XIRP2: variants seen among roughly 807,000 people sequenced by gnomAD.
The protein encoded by XIRP2 is xin actin-binding repeat-containing protein 2.
Under a neutral mutation model 277.0 loss-of-function variants are expected in XIRP2, and 236 were observed. The ratio of observed to expected loss-of-function variants is 0.85; its 90% CI spans 0.77 to 0.95. The LOEUF is 0.95. Ranked by LOEUF, XIRP2 falls within the 40% of genes least tolerant of loss-of-function variation. The probability of loss-of-function intolerance (pLI) is 0.00; values close to 1 mark genes in which losing one functional copy is unlikely to be tolerated. For missense variants in XIRP2, 4,640 were observed against 4,157.5 expected (o/e 1.12, Z -3.19); for synonymous variants, 1,490 against 1,416.5 (o/e 1.05, Z -1.17).
At chr2:167,164,816 T>TCC (rs34245806) in intron 3 of XIRP2, among the ~76,000 whole-genome samples, 51,014 of 151,882 alleles carry the variant, frequency 0.34, 11,036 homozygotes, top group African/African-American at 0.62. Flanking sequence ...ATTCATAGCT[T>TCC]CCGTTATCAA....
intron 2 of XIRP2, among the ~76,000 whole-genome samples, chr2:167,077,657 C>A (rs1373622177): frequency 6.6e-6 from 1 of 152,078 alleles, no homozygotes; most frequent in African/African-American, 2.4e-5. Context: ...GTATGGACAC[C>A]TGGGGAAAGT....
chr2:167,232,893 A>G (rs751644772), intron 5 of XIRP2, among the ~76,000 whole-genome samples: 10 of 151,940 alleles, frequency 6.6e-5, no homozygotes, highest in Non-Finnish European at 1.5e-4. Context: ...GCTGATAATC[A>G]TTAGGCACCC....
Position 167,001,902 on chromosome 2 carries a change from T to C in XIRP2, c.408+98012T>C, listed in dbSNP as rs987161773. The stretch of plus-strand genomic sequence containing the variant: ...ATGTTGTGTAGCACTTTGACATTTT[T>C]ATTTTCCTCATTTAGCTTTTTATTT... On this transcript the variant is annotated intron_variant, in intron 2 of 10. Transcript: ENST00000409195. Among the ~76,000 whole-genome samples the C allele has an allele frequency of 2.0e-5, 3 of 152,270 alleles. 1 individual carries two copies. In the South Asian group the frequency reaches 6.2e-4, roughly 32 times the overall value.
rs376915156 is a variant in XIRP2, at chr2:167,247,163, C to T, written c.5771C>T (p.Thr1924Ile). The change falls in exon 9 of 11, where the codon ACA becomes ATA. Residue 1924 changes from threonine (T) to isoleucine (I), a missense_variant. Transcript: ENST00000409195. ...GAGCTTCTCAAAGATGACCTGGAAA[C>T]ATCACTAAGGTCTTTGAAAGAAGCA... ...KKELLKDDLE[T>I]SLRSLKEAQR... is the part of the protein sequence containing the mutation. 6.2e-6 allele frequency: 10 copies of T among 1,613,454 alleles called. No homozygotes were observed. Among genetic ancestry groups the T allele is most frequent in the Non-Finnish European group, 8.5e-6 (10 of 1,179,780 alleles).
intron 2 of XIRP2, among the ~76,000 whole-genome samples, chr2:167,112,970 T>C (rs897125056): frequency 6.6e-6 from 1 of 152,106 alleles, no homozygotes. Flanking sequence ...TTTCTATTTT[T>C]AATGTGCTGT....
At chr2:167,099,051 C>T (rs1325994231) in intron 2 of XIRP2, among the ~76,000 whole-genome samples, 1 of 152,220 alleles carries the variant, frequency 6.6e-6, no homozygotes, top group Non-Finnish European at 1.5e-5. Flanking sequence ...AGATCTGCTG[C>T]TCTCTTCAGA....
intron 2 of XIRP2, among the ~76,000 whole-genome samples, chr2:167,072,092 A>T (rs181443631): frequency 5.1e-4 from 78 of 152,312 alleles, no homozygotes; most frequent in African/African-American, 1.8e-3. Context: ...TAAATATTTT[A>T]AAATATATAA....
chr2:167,073,021 A>G (rs1209534410), intron 2 of XIRP2, among the ~76,000 whole-genome samples: 1 of 152,202 alleles, frequency 6.6e-6, no homozygotes, highest in Non-Finnish European at 1.5e-5. Context: ...CAACCATGAT[A>G]GGTTTAGTGA....
intron 3 of XIRP2, chr2:167,140,990 G>C (rs1321553422): frequency 2.6e-5 from 4 of 152,136 alleles, no homozygotes; most frequent in Admixed American, 2.6e-4. Flanking sequence ...GTCTATTCAT[G>C]AGGTCGTTCA....
chr2:166,941,854 T>C (rs890073865), intron 2 of XIRP2, among the ~76,000 whole-genome samples: 2 of 152,190 alleles, frequency 1.3e-5, no homozygotes, highest in Non-Finnish European at 2.9e-5. Context: ...TTCTGACAAA[T>C]ATTTTTACAT....
At chr2:167,188,286 G>A (rs987937595) in intron 3 of XIRP2, among the ~76,000 whole-genome samples, 3 of 152,148 alleles carry the variant, frequency 2.0e-5, no homozygotes, top group African/African-American at 7.2e-5. Flanking sequence ...TAAATGTTTA[G>A]ATGTTAGAGA....
chr2:167,251,890 G>A lies in XIRP2; in HGVS notation c.10498G>A (p.Asp3500Asn). ...VFKGLGYATADASATEMRTTF... is the reference protein window; with the variant it reads ...VFKGLGYATANASATEMRTTF... ...TAAAGGCCTGGGATATGCAACCGCA[G>A]ATGCTTCTGCAACTGAGATGAGAAC... is the stretch of plus-strand genomic sequence containing the variant. Residue 3500 changes from aspartate (D) to asparagine (N), a missense_variant, in exon 9 of 11, where the codon GAT becomes AAT. Physicochemically the swap from Asp to Asn is conservative, Grantham distance 23. Coordinates refer to ENST00000409195, the MANE Select transcript of XIRP2 (RefSeq NM_152381.6). The A allele has an allele frequency of 6.3e-7, 1 of 1,599,598 alleles. No individual in the cohort carries two copies. Among genetic ancestry groups the A allele is most frequent in the Non-Finnish European group, 8.5e-7 (1 of 1,174,682 alleles).
chr2:167,250,880 C>A lies in XIRP2; in HGVS notation c.9488C>A (p.Ser3163Tyr), dbSNP rs750813300. ...PPPRRPMSQK[S>Y]EIHRANTSPS... ...CCAAGAAGGCCCATGTCGCAAAAAT[C>A]TGAAATTCACAGAGCAAACACTTCC... Residue 3163 changes from serine (S) to tyrosine (Y), a missense_variant, in exon 9 of 11, where the codon TCT (serine) becomes TAT (tyrosine). Physicochemically the swap from Ser to Tyr is moderately radical, Grantham distance 144 (BLOSUM62 -2). Coordinates refer to ENST00000409195, the MANE Select transcript of XIRP2 (RefSeq NM_152381.6). 3 of 1,612,926 alleles carry A rather than the reference C, an allele frequency of 1.9e-6. No individual in the cohort carries two copies. The highest frequency in any genetic ancestry group is 2.7e-5 in the African/African-American group (2 of 74,628).
intron 5 of XIRP2, among the ~76,000 whole-genome samples, chr2:167,219,394 A>T (rs1327527845): frequency 6.6e-6 from 1 of 152,178 alleles, no homozygotes. Context: ...GGTCAACAAT[A>T]CAAAATATTA....
chr2:167,252,571 C>T lies in XIRP2; in HGVS notation c.10555+624C>T, dbSNP rs72884681. Among the ~76,000 whole-genome samples, 320 of 151,980 alleles carry T rather than the reference C, an allele frequency of 2.1e-3. 1 individual carries two copies. The highest frequency in any genetic ancestry group is 2.6e-3 in the Non-Finnish European group (177 of 67,904). The stretch of plus-strand genomic sequence containing the variant: ...TTCTAAAAAATAAACTAAATCACTG[C>T]TCAATCAACCTCATTCACAAATGAG... On this transcript the variant is annotated intron_variant, in intron 9 of 10. Transcript: ENST00000409195.
chr2:167,258,536 GTGAT>G lies in XIRP2; in HGVS notation c.*722_*725del, dbSNP rs1695734377. The G allele has an allele frequency of 6.2e-7, 1 of 1,612,852 alleles. No homozygotes were observed. ...TATGGATCTTAATGACAACAATAAT[GTGAT>G]TGTGCAGAGTGCTGAAAAGGAGAAA... is the stretch of plus-strand genomic sequence containing the variant. On this transcript the variant is annotated 3_prime_UTR_variant, in exon 11 of 11. Coordinates refer to ENST00000409195, the MANE Select transcript of XIRP2 (RefSeq NM_152381.6).
chr2:167,180,764 C>T (rs964638510), intron 3 of XIRP2, among the ~76,000 whole-genome samples: 3 of 152,168 alleles, frequency 2.0e-5, no homozygotes, highest in Non-Finnish European at 4.4e-5. Flanking sequence ...CTACCTTGTC[C>T]ACTTACTTCA....
At position 167,240,681 on chromosome 2, in the gene XIRP2, G is replaced by T. The variant is rs749100912; in HGVS notation, c.987G>T (p.Lys329Asn). 5.0e-6 allele frequency: 8 copies of T among 1,613,650 alleles called. No homozygotes were observed. The highest frequency in any genetic ancestry group is 5.9e-6 in the Non-Finnish European group (7 of 1,179,866). Residue 329 changes from lysine to asparagine, a missense_variant, in exon 7 of 11, where the codon AAG becomes AAT. Physicochemically the swap from Lys to Asn is moderately conservative, Grantham distance 94. Transcript: ENST00000409195. ...AAATACAGGTCTCTCATCTTGAAAA[G>T]CACACCGAGGAAGTAAACCAAGCAT... is the stretch of plus-strand genomic sequence containing the variant. The part of the protein sequence containing the change: ...HGTEMVSHLE[K>N]HTEEVNQASQ...
chr2:167,239,876 G>C lies in XIRP2; in HGVS notation c.880G>C (p.Val294Leu). The change falls in exon 6 of 11, where the codon GTT becomes CTT. Residue 294 changes from valine to leucine, a missense_variant. Coordinates refer to ENST00000409195, the MANE Select transcript of XIRP2 (RefSeq NM_152381.6). Reference protein sequence around the residue: ...SEQEAIHSSQVGTSRSSQEMA... With the variant: ...SEQEAIHSSQLGTSRSSQEMA... ...TCAGGAGGCAATTCATAGCAGCCAG[G>C]TTGGCACTTCAAGAAGCAGCCAGGA... 6.2e-7 allele frequency: 1 copy of C among 1,609,800 alleles called. No individual in the cohort carries two copies. The highest frequency in any genetic ancestry group is 8.5e-7 in the Non-Finnish European group (1 of 1,178,486).
Sources: gnomAD v4.1 joint callset for allele counts (sites outside exome capture counted in the v4.1 genomes callset) on GRCh38, gnomAD v4.1.1 for gene constraint, MANE v1.5 for transcripts, NCBI Gene and HGNC (gene_info 2026-07-23, HGNC 2026-07-21) for gene names.